Variants in ANO1 observed in about 807,000 individuals in gnomAD.
ANO1 encodes anoctamin-1.
A neutral mutation model predicts 124.0 loss-of-function variants in ANO1; 59 were observed. The ratio of observed to expected loss-of-function variants is 0.48; its 90% CI spans 0.39 to 0.59. The LOEUF (loss-of-function observed/expected upper bound fraction) is 0.59, where lower values mean the gene tolerates loss of function less well. Among genes scored for constraint, ANO1 ranks in the 20% least tolerant of loss-of-function variants. ANO1 has a pLI of 0.00. For missense variants in ANO1, 1,059 were observed against 1,328.0 expected (o/e 0.80, Z 3.15); for synonymous variants, 529 against 532.0 (o/e 0.99, Z 0.08).
At chr11:70,096,035 G>A (rs936380498) in intron 2 of ANO1, among the ~76,000 whole-genome samples, 1 of 152,170 alleles carries the variant, frequency 6.6e-6, no homozygotes, top group African/African-American at 2.4e-5. Flanking sequence ...CTAATCCCAA[G>A]CTGAGTGGGC....
At chr11:70,125,985 G>A in intron 9 of ANO1, 76 bp from the exon 10 acceptor site, 3 of 1,503,448 alleles carry the variant, frequency 2.0e-6, no homozygotes, top group Non-Finnish European at 2.7e-6. Flanking sequence ...GCTCTTGCTG[G>A]GGAGGGCCTG....
chr11:69,989,567 A>G (rs1207660969), intron 1 of ANO1, among the ~76,000 whole-genome samples: 1 of 152,092 alleles, frequency 6.6e-6, no homozygotes, highest in Admixed American at 6.5e-5. Context: ...CTCCAGGGCC[A>G]CTGGAACCAT....
intron 1 of ANO1, among the ~76,000 whole-genome samples, chr11:70,047,068 G>A (rs1195912925): frequency 4.8e-5 from 6 of 124,464 alleles, no homozygotes; most frequent in Admixed American, 8.8e-5. Context: ...TGACAAGAGC[G>A]AGACTCTGTC....
At chr11:69,984,918 G>T (rs1218860171), upstream of ANO1, among the ~76,000 whole-genome samples, 1 of 152,232 alleles carries the variant, frequency 6.6e-6, no homozygotes, top group Non-Finnish European at 1.5e-5. Context: ...TTCTGTTTAT[G>T]GTAGTTCTGC....
intron 10 of ANO1, 66 bp from the exon 11 acceptor site, chr11:70,131,853 C>T (rs57107171): frequency 2.0e-5 from 30 of 1,532,808 alleles, no homozygotes; most frequent in East Asian, 1.7e-4. Context: ...CAGGCCAGCT[C>T]GGCACCCAGG....
chr11:70,082,185 C>T (rs1347522960), intron 1 of ANO1, among the ~76,000 whole-genome samples: 2 of 152,088 alleles, frequency 1.3e-5, no homozygotes, highest in African/African-American at 4.8e-5. Context: ...ATACAAGACC[C>T]AGCCTCTGTT....
At chr11:70,172,119 TAA>T (rs367908728) in intron 22 of ANO1, among the ~76,000 whole-genome samples, 15 of 120,472 alleles carry the variant, frequency 1.2e-4, no homozygotes, top group Non-Finnish European at 2.0e-4. Flanking sequence ...GAACCTGTCT[TAA>T]AAAAAAAAAA....
intron 10 of ANO1, among the ~76,000 whole-genome samples, chr11:70,127,597 A>G (rs2046573938): frequency 6.6e-6 from 1 of 152,114 alleles, no homozygotes; most frequent in Non-Finnish European, 1.5e-5. Context: ...TTGGGAGGCT[A>G]AGGTTGGAGG....
chr11:69,976,576 A>G, the ANO1 span, among the ~76,000 whole-genome samples: 1 of 145,474 alleles, frequency 6.9e-6, no homozygotes. Context: ...AGAGATTAGG[A>G]CACACACACA....
intron 1 of ANO1, among the ~76,000 whole-genome samples, chr11:70,059,950 C>CTTTTTT (rs36021561): frequency 9.3e-5 from 7 of 75,566 alleles, no homozygotes; most frequent in Non-Finnish European, 1.4e-4. Flanking sequence ...AGGCGTTGGC[C>CTTTTTT]TTTTTTTTTT....
In ANO1 at chr11:70,131,941, C is replaced by A; in HGVS notation, c.1120C>A (p.His374Asn). 6.2e-7 allele frequency: 1 copy of A among 1,608,436 alleles called. No homozygotes were observed. The highest frequency in any genetic ancestry group is 1.3e-5 in the African/African-American group (1 of 75,036). Residue 374 changes from histidine to asparagine, a missense_variant, in exon 11 of 26, where the codon CAC becomes AAC. Around this residue, in one of 2 missense-constraint regions of ANO1, gnomAD observed 809 missense variants for 1,094.9 expected, o/e 0.74. Transcript: ENST00000355303. The stretch of plus-strand genomic sequence containing the variant: ...CAGCATGGAGATGTGTGACCAGAGA[C>A]ACAATATCACCATGTGCCCGCTTTG... ...IPSMEMCDQR[H>N]NITMCPLCDK...
chr11:70,045,444 C>T (rs150257135), intron 1 of ANO1, among the ~76,000 whole-genome samples: 4 of 152,120 alleles, frequency 2.6e-5, no homozygotes, highest in East Asian at 3.8e-4. Flanking sequence ...CTGAAGAATA[C>T]GTTTTCTTGA....
intron 10 of ANO1, among the ~76,000 whole-genome samples, chr11:70,130,594 T>G (rs576605889): frequency 2.0e-4 from 30 of 152,166 alleles, no homozygotes; most frequent in Non-Finnish European, 3.8e-4. Flanking sequence ...CCTGGAAGTA[T>G]TAGTATTTTC....
intron 11 of ANO1, among the ~76,000 whole-genome samples, chr11:70,145,186 TC>T (rs2047317971): frequency 6.6e-6 from 1 of 152,226 alleles, no homozygotes; most frequent in African/African-American, 2.4e-5. Flanking sequence ...TTCACACTGC[TC>T]ACAATGCCAG....
At chr11:70,113,942 C>G (rs1461693612) in intron 7 of ANO1, among the ~76,000 whole-genome samples, 2 of 152,154 alleles carry the variant, frequency 1.3e-5, no homozygotes, top group Admixed American at 1.3e-4. Context: ...GTGTCCCCAC[C>G]TCATCCCGTC....
intron 7 of ANO1, among the ~76,000 whole-genome samples, chr11:70,116,179 T>A (rs1488175955): frequency 6.6e-6 from 1 of 152,176 alleles, no homozygotes; most frequent in Non-Finnish European, 1.5e-5. Context: ...CGACCGTGGA[T>A]CCTCTCCTAG....
At chr11:69,991,135 G>A (rs1048157496) in intron 1 of ANO1, among the ~76,000 whole-genome samples, 8 of 152,102 alleles carry the variant, frequency 5.3e-5, no homozygotes, top group Non-Finnish European at 8.8e-5. Flanking sequence ...GTTAATTTTT[G>A]TATGTGGAGT....
At chr11:70,150,500 GCAACCA>G (rs2047560454) in intron 12 of ANO1, among the ~76,000 whole-genome samples, 1 of 152,154 alleles carries the variant, frequency 6.6e-6, no homozygotes, top group African/African-American at 2.4e-5. Context: ...GCTGTAAGGT[GCAACCA>G]CACTGACCAC....
At chr11:70,133,951 G>A (rs749724655) in intron 11 of ANO1, among the ~76,000 whole-genome samples, 1 of 152,210 alleles carries the variant, frequency 6.6e-6, no homozygotes, top group East Asian at 1.9e-4. Context: ...CTACCCTTCC[G>A]GAGACCCGGG....
Sources: allele counts gnomAD v4.1 joint callset (sites outside exome capture counted in the v4.1 genomes callset), GRCh38; gene constraint gnomAD v4.1.1; regional missense constraint gnomAD v4.1.1; transcripts MANE v1.5; gene names NCBI Gene and HGNC (gene_info 2026-07-23, HGNC 2026-07-21).